The following GRIA4 variants were observed in gnomAD, a reference collection of about 807,000 sequenced individuals.
GRIA4 encodes glutamate receptor 4.
GRIA4 carries 34 observed loss-of-function variants against 104.0 expected under a neutral mutation model. That is an observed-to-expected ratio of 0.33 (90% confidence interval 0.25 to 0.44). GRIA4 has a LOEUF of 0.44. GRIA4 is among the 20% of genes least tolerant of loss of function. The pLI is 1.00. For synonymous variants in GRIA4, 386 were observed against 381.9 expected (o/e 1.01, Z -0.13); for missense variants, 750 against 1,096.5 (o/e 0.68, Z 4.46).
At chr11:105,714,231 G>C (rs890498572) in intron 3 of GRIA4, among the ~76,000 whole-genome samples, 2 of 144,100 alleles carry the variant, frequency 1.4e-5, no homozygotes, top group Non-Finnish European at 3.0e-5. Context: ...AAATTAACCA[G>C]AAATATTTTA....
chr11:105,701,652 A>G (rs1181155576), intron 3 of GRIA4, among the ~76,000 whole-genome samples: 2 of 152,166 alleles, frequency 1.3e-5, no homozygotes, highest in African/African-American at 4.8e-5. Context: ...ACCTCCTTAA[A>G]TGCAATTAAA....
intron 3 of GRIA4, among the ~76,000 whole-genome samples, chr11:105,700,722 C>G (rs536988200): frequency 6.6e-6 from 1 of 152,204 alleles, no homozygotes; most frequent in Non-Finnish European, 1.5e-5. Flanking sequence ...CTTTGAAACT[C>G]CTCTTCTTTT....
intron 3 of GRIA4, among the ~76,000 whole-genome samples, chr11:105,724,142 C>CT (rs1422721106): frequency 6.6e-6 from 1 of 152,018 alleles, no homozygotes; most frequent in East Asian, 1.9e-4. Context: ...ACCGTTCAAT[C>CT]TAGCAATCCC....
At chr11:105,836,674 A>G (rs568405002) in intron 4 of GRIA4, among the ~76,000 whole-genome samples, 1 of 152,268 alleles carries the variant, frequency 6.6e-6, no homozygotes, top group South Asian at 2.1e-4. Context: ...TCCCACAACC[A>G]AAGTTTCTGA....
intron 6 of GRIA4, among the ~76,000 whole-genome samples, chr11:105,890,980 G>A (rs768980758): frequency 1.3e-5 from 2 of 152,088 alleles, no homozygotes; most frequent in Non-Finnish European, 2.9e-5. Context: ...GTATGATATC[G>A]CAATAGGTTA....
rs1200611859 is a variant in GRIA4, at chr11:105,794,469, G to GTATATATATATA, written c.487+41252_487+41253insATATATATATAT. ...TGTGTGTGTCTGTGTGTGTGTATAT[G>GTATATATATATA]TATGTATATATATATATATATATAT... is the stretch of plus-strand genomic sequence containing the variant. On this transcript the variant is annotated intron_variant, in intron 4 of 16. Transcript: ENST00000282499. Among the ~76,000 whole-genome samples, 180 of 40,710 alleles carry GTATATATATATA rather than the reference G, an allele frequency of 4.4e-3. 28 individuals are homozygous for GTATATATATATA. Among genetic ancestry groups the GTATATATATATA allele is most frequent in the East Asian group, 6.8e-3 (8 of 1,180 alleles). 26.7% of individuals were successfully genotyped at this position (40,710 alleles called of 152,430 possible).
At chr11:105,785,250 A>C (rs1941907561) in intron 4 of GRIA4, among the ~76,000 whole-genome samples, 2 of 152,160 alleles carry the variant, frequency 1.3e-5, no homozygotes, top group South Asian at 4.1e-4. Flanking sequence ...ATTTAGGGTG[A>C]AAAATAAATG....
At chr11:105,894,378 A>C (rs956381850) in intron 6 of GRIA4, among the ~76,000 whole-genome samples, 4 of 152,124 alleles carry the variant, frequency 2.6e-5, no homozygotes, top group African/African-American at 9.7e-5. Context: ...GCCTGTTTTC[A>C]TATATTTAGG....
intron 4 of GRIA4, among the ~76,000 whole-genome samples, chr11:105,820,259 G>A (rs1370388061): frequency 1.3e-5 from 2 of 152,034 alleles, no homozygotes; most frequent in African/African-American, 4.8e-5. Flanking sequence ...GGAAACTCAG[G>A]CCTAGAGAGT....
chr11:105,872,773 T>G (rs187312477), intron 5 of GRIA4, among the ~76,000 whole-genome samples: 2 of 152,234 alleles, frequency 1.3e-5, no homozygotes, highest in East Asian at 3.9e-4. Flanking sequence ...CTACTACTTT[T>G]GGAATTATCA....
At chr11:105,775,415 T>C (rs1941405436) in intron 4 of GRIA4, among the ~76,000 whole-genome samples, 1 of 152,150 alleles carries the variant, frequency 6.6e-6, no homozygotes, top group South Asian at 2.1e-4. Context: ...ATACTATATA[T>C]GCTTATTTAT....
At chr11:105,655,831 C>A (rs1248977090) in intron 3 of GRIA4, among the ~76,000 whole-genome samples, 1 of 152,044 alleles carries the variant, frequency 6.6e-6, no homozygotes, top group Non-Finnish European at 1.5e-5. Context: ...GATTTATAAT[C>A]CTTTGAGTAT....
intron 4 of GRIA4, among the ~76,000 whole-genome samples, chr11:105,827,326 ATTACT>A (rs1190837546): frequency 1.3e-5 from 2 of 152,036 alleles, no homozygotes; most frequent in Admixed American, 6.6e-5. Flanking sequence ...AATCAGTGAC[ATTACT>A]TTAGTGGAGA....
At chr11:105,714,871 C>T (rs35731525) in intron 3 of GRIA4, among the ~76,000 whole-genome samples, 3 of 151,728 alleles carry the variant, frequency 2.0e-5, no homozygotes, top group African/African-American at 2.4e-5. Context: ...TGAGAGACTT[C>T]GATTAGTAAA....
At chr11:105,916,040 C>T (rs1020798438) in intron 10 of GRIA4, among the ~76,000 whole-genome samples, 7 of 151,858 alleles carry the variant, frequency 4.6e-5, no homozygotes, top group South Asian at 4.2e-4. Flanking sequence ...AAGAATTAAC[C>T]GGGAGTGGTG....
intron 14 of GRIA4, among the ~76,000 whole-genome samples, chr11:105,934,678 G>A (rs1300938178): frequency 2.0e-5 from 3 of 152,156 alleles, no homozygotes; most frequent in Non-Finnish European, 2.9e-5. Context: ...CATTACATGT[G>A]TGGATTAAGT....
chr11:105,898,569 C>A, intron 7 of GRIA4, 142 bp downstream of exon 7: 1 of 609,998 alleles, frequency 1.6e-6, no homozygotes, highest in South Asian at 2.2e-5. Context: ...AACTGCCTTG[C>A]ACATGCTCTT....
intron 4 of GRIA4, among the ~76,000 whole-genome samples, chr11:105,813,011 G>A (rs970056827): frequency 2.7e-5 from 4 of 147,364 alleles, no homozygotes; most frequent in Non-Finnish European, 4.5e-5. Context: ...GGAAAATGGC[G>A]TGAACCTGGG....
In GRIA4 at chr11:105,896,810, T is replaced by C. The variant is rs11226874; in HGVS notation, c.727-1459T>C. 8.9e-3 allele frequency among the ~76,000 whole-genome samples: 1,358 copies of C among 152,318 alleles called. 6 individuals carry two copies. Among genetic ancestry groups the C allele is most frequent in the Middle Eastern group, 0.02 (6 of 294 alleles). ...CAAAACCATGCTGTTATGGTTACTATAGCCTTATAGTATAGTCTTAAGTCA... is the reference window on the plus strand; with the variant it reads ...CAAAACCATGCTGTTATGGTTACTACAGCCTTATAGTATAGTCTTAAGTCA... On this transcript the variant is annotated intron_variant, in intron 6 of 16. Transcript: ENST00000282499.
Sources: allele counts gnomAD v4.1 joint callset (sites outside exome capture counted in the v4.1 genomes callset), GRCh38; gene constraint gnomAD v4.1.1; transcripts MANE v1.5; gene names NCBI Gene and HGNC (gene_info 2026-07-23, HGNC 2026-07-21).